ANO4: variants seen among roughly 807,000 people sequenced by gnomAD.
ANO4 encodes the protein anoctamin-4.
In ANO4, 69 loss-of-function variants were observed where a neutral mutation model predicts 141.9. The observed-to-expected ratio is 0.49, with a 90% CI of 0.40 to 0.59. The LOEUF is 0.59. Ranked by LOEUF, ANO4 falls within the 20% of genes least tolerant of loss-of-function variation. The probability of loss-of-function intolerance (pLI) is 0.00; values close to 1 mark genes in which losing one functional copy is unlikely to be tolerated. For missense variants in ANO4, 894 were observed against 1,162.2 expected, an observed-to-expected ratio of 0.77 and a Z score of 3.36; for synonymous variants, 350 against 394.3, an observed-to-expected ratio of 0.89 and a Z score of 1.33.
At chr12:100,891,020 G>A (rs948900470) in intron 1 of ANO4, among the ~76,000 whole-genome samples, 2 of 152,114 alleles carry the variant, frequency 1.3e-5, no homozygotes, top group African/African-American at 4.8e-5. Context: ...TTTCTAGAAT[G>A]CCATGTAGTT....
At chr12:101,009,787 A>G (rs1857331357) in intron 8 of ANO4, among the ~76,000 whole-genome samples, 1 of 152,068 alleles carries the variant, frequency 6.6e-6, no homozygotes. Flanking sequence ...TTCTTGAATA[A>G]TTCTTGAATG....
intron 6 of ANO4, among the ~76,000 whole-genome samples, chr12:100,974,258 GC>G (rs574614440): frequency 5.7e-4 from 87 of 152,126 alleles, no homozygotes; most frequent in Non-Finnish European, 1.0e-3. Flanking sequence ...TAAAGCCAGG[GC>G]CAGTGGTTAG....
chr12:100,996,787 T>G (rs1429949447), intron 8 of ANO4, among the ~76,000 whole-genome samples: 1 of 152,190 alleles, frequency 6.6e-6, no homozygotes, highest in Non-Finnish European at 1.5e-5. Context: ...GATTGTCTTC[T>G]TATCTTTTGA....
At chr12:100,935,516 C>T (rs1244751018) in intron 3 of ANO4, among the ~76,000 whole-genome samples, 1 of 152,166 alleles carries the variant, frequency 6.6e-6, no homozygotes, top group African/African-American at 2.4e-5. Context: ...TTCTACCAGG[C>T]AGATAATTAT....
chr12:101,061,952 G>A (rs1251515824), intron 14 of ANO4, among the ~76,000 whole-genome samples: 1 of 152,090 alleles, frequency 6.6e-6, no homozygotes, highest in African/African-American at 2.4e-5. Context: ...CTTTGGAGGA[G>A]AAGAGGCATT....
chr12:100,867,536 A>G (rs1468465272), intron 1 of ANO4, among the ~76,000 whole-genome samples: 1 of 152,070 alleles, frequency 6.6e-6, no homozygotes, highest in Non-Finnish European at 1.5e-5. Context: ...CCTGTAGAGG[A>G]CAAACTGCTT....
At chr12:100,772,107 T>G (rs1311622924) in intron 3 of ANO4, among the ~76,000 whole-genome samples, 4 of 152,124 alleles carry the variant, frequency 2.6e-5, no homozygotes. Flanking sequence ...TAAAGAATAT[T>G]TAGTAGGGCC....
At chr12:101,022,906 A>AT (rs1218265912) in intron 9 of ANO4, among the ~76,000 whole-genome samples, 1 of 151,910 alleles carries the variant, frequency 6.6e-6, no homozygotes, top group African/African-American at 2.4e-5. Flanking sequence ...TGCCCGGCTA[A>AT]TTTTTTGTAT....
At chr12:100,724,901 A>C (rs895824561) in intron 1 of ANO4, among the ~76,000 whole-genome samples, 1 of 152,236 alleles carries the variant, frequency 6.6e-6, no homozygotes, top group Admixed American at 6.5e-5. Flanking sequence ...ATGTACATAC[A>C]CAAGTGAACT....
intron 2 of ANO4, among the ~76,000 whole-genome samples, chr12:100,909,234 C>T (rs995725832): frequency 8.5e-5 from 13 of 152,100 alleles, no homozygotes; most frequent in African/African-American, 2.7e-4. Context: ...GAATTCTTAC[C>T]GGTTTTTCTA....
chr12:100,724,508 A>G (rs2031018647), intron 1 of ANO4, among the ~76,000 whole-genome samples: 1 of 152,226 alleles, frequency 6.6e-6, no homozygotes. Context: ...CTTCTAGTGA[A>G]GTGGCACATA....
At chr12:100,815,583 A>G (rs751521481) in intron 1 of ANO4, among the ~76,000 whole-genome samples, 3 of 152,132 alleles carry the variant, frequency 2.0e-5, no homozygotes, top group Non-Finnish European at 4.4e-5. Flanking sequence ...ATAAATTTGT[A>G]CAAGCCTGTT....
intron 27 of ANO4, 23 bp downstream of exon 27, chr12:101,127,097 G>C (rs3741954): frequency 1.3e-6 from 2 of 1,595,898 alleles, no homozygotes; most frequent in East Asian, 2.3e-5. Flanking sequence ...TGTGCTCAGC[G>C]TCTGAGGCCA....
intron 14 of ANO4, among the ~76,000 whole-genome samples, chr12:101,052,095 T>G (rs2047895483): frequency 6.6e-6 from 1 of 152,218 alleles, no homozygotes; most frequent in Admixed American, 6.5e-5. Flanking sequence ...GTGTTCATTT[T>G]GTTACCTTTG....
chr12:100,853,216 G>A (rs1200835449), intron 1 of ANO4, among the ~76,000 whole-genome samples: 5 of 152,064 alleles, frequency 3.3e-5, no homozygotes, highest in African/African-American at 1.2e-4. Context: ...AATATGCACG[G>A]CAAACATCTT....
chr12:100,928,249 A>T (rs577659694), intron 3 of ANO4, among the ~76,000 whole-genome samples: 2 of 151,972 alleles, frequency 1.3e-5, no homozygotes, highest in Non-Finnish European at 2.9e-5. Context: ...CCTTTTACCT[A>T]TGTTATTTTA....
At chr12:101,016,048 A>T (rs542601555) in intron 8 of ANO4, among the ~76,000 whole-genome samples, 1 of 152,340 alleles carries the variant, frequency 6.6e-6, no homozygotes, top group South Asian at 2.1e-4. Flanking sequence ...GCAGTAGTTC[A>T]GCTGATAGCT....
At chr12:100,918,604 G>T (rs562185594) in intron 2 of ANO4, among the ~76,000 whole-genome samples, 4 of 152,238 alleles carry the variant, frequency 2.6e-5, no homozygotes, top group African/African-American at 4.8e-5. Flanking sequence ...GATGTTGCAG[G>T]TGTTGTAATG....
intron 5 of ANO4, among the ~76,000 whole-genome samples, chr12:100,953,490 T>C (rs1280925625): frequency 6.6e-6 from 1 of 152,232 alleles, no homozygotes; most frequent in Non-Finnish European, 1.5e-5. Context: ...TCACTTCCTG[T>C]TGTATCTTAG....
Sources: gnomAD v4.1 joint callset for allele counts (sites outside exome capture counted in the v4.1 genomes callset) on GRCh38, gnomAD v4.1.1 for gene constraint, MANE v1.5 for transcripts, NCBI Gene and HGNC (gene_info 2026-07-23, HGNC 2026-07-21) for gene names.